SLC22A23: variants seen among roughly 807,000 people sequenced by gnomAD.
SLC22A23 encodes ion transporter protein.
A neutral mutation model predicts 61.0 loss-of-function variants in SLC22A23; 26 were observed. The observed-to-expected ratio is 0.43, with a 90% CI of 0.31 to 0.59. The LOEUF (loss-of-function observed/expected upper bound fraction) is 0.59. Ranked by LOEUF, SLC22A23 falls within the 20% of genes least tolerant of loss-of-function variation. The probability of loss-of-function intolerance (pLI) is 0.11; values close to 1 mark genes in which losing one functional copy is unlikely to be tolerated. For missense variants in SLC22A23, 796 were observed against 934.7 expected, an observed-to-expected ratio of 0.85 and a Z score of 1.94; for synonymous variants, 430 against 413.9, an observed-to-expected ratio of 1.04 and a Z score of -0.47.
At chr6:3,402,406 A>G (rs915075882) in intron 3 of SLC22A23, among the ~76,000 whole-genome samples, 3 of 148,002 alleles carry the variant, frequency 2.0e-5, no homozygotes, top group African/African-American at 7.7e-5. Context: ...GTTATTCATA[A>G]TTTAGATTCC....
At chr6:3,299,454 A>C (rs1344794632) in intron 4 of SLC22A23, among the ~76,000 whole-genome samples, 1 of 152,218 alleles carries the variant, frequency 6.6e-6, no homozygotes, top group Non-Finnish European at 1.5e-5. Flanking sequence ...TGTCCCTCAG[A>C]CGATGCCACA....
At position 3,287,030 on chromosome 6, in the gene SLC22A23, C is replaced by T. The variant is rs772911297; in HGVS notation, c.1375G>A (p.Val459Met). The T allele has an allele frequency of 1.9e-6, 3 of 1,614,118 alleles. No homozygotes were observed. Among genetic ancestry groups the T allele is most frequent in the East Asian group, 2.2e-5 (1 of 44,902 alleles). Residue 459 changes from valine to methionine, a missense_variant, in exon 7 of 10, where the codon GTG becomes ATG. Coordinates refer to ENST00000406686, the MANE Select transcript of SLC22A23 (RefSeq NM_015482.2). Reference sequence around the variant, plus strand: ...GCATAGAAGTTCTCCAGGAGCGGCACCTTCACCTCGTGGCCCATCATGCTC... The same window carrying T: ...GCATAGAAGTTCTCCAGGAGCGGCATCTTCACCTCGTGGCCCATCATGCTC... The part of the protein sequence containing the change: ...ARSMMGHEVK[V>M]PLLENFYADY...
At chr6:3,358,783 C>G (rs1765266345) in intron 3 of SLC22A23, among the ~76,000 whole-genome samples, 1 of 152,320 alleles carries the variant, frequency 6.6e-6, no homozygotes, top group East Asian at 1.9e-4. Context: ...AGGAGAGTTT[C>G]TGTTTCATCA....
At position 3,270,459 on chromosome 6, in the gene SLC22A23, C is replaced by T. The variant is rs1758407877; in HGVS notation, c.*2596G>A. The stretch of plus-strand genomic sequence containing the variant: ...AACATTTCATAAAGGTGTTGCTCAA[C>T]AGCTTCAGGTATCCCTAGGCTGAAG... On this transcript the variant is annotated 3_prime_UTR_variant, in exon 10 of 10. Coordinates refer to ENST00000406686, the MANE Select transcript of SLC22A23 (RefSeq NM_015482.2). The T allele has an allele frequency of 6.6e-6, 1 of 152,392 alleles. No homozygotes were observed. The highest frequency in any genetic ancestry group is 6.5e-5 in the Admixed American group (1 of 15,290). The allele number at this position is 152,392 out of a possible 1,614,324, so 9.4% of individuals were successfully genotyped here. A position where few individuals can be genotyped will look rare whatever the true frequency, so the allele number is the denominator to read the frequency against.
chr6:3,315,515 G>A (rs754529889), intron 4 of SLC22A23, among the ~76,000 whole-genome samples: 7 of 152,186 alleles, frequency 4.6e-5, no homozygotes, highest in Non-Finnish European at 1.0e-4. Flanking sequence ...CAGGCCCTTC[G>A]AGGATGGCAT....
chr6:3,361,058 AC>A (rs869221304), intron 3 of SLC22A23, among the ~76,000 whole-genome samples: 94 of 61,472 alleles, frequency 1.5e-3, no homozygotes, highest in African/African-American at 5.3e-3. Context: ...ATTTCTACCC[AC>A]CCCCCCCATT....
At chr6:3,449,745 G>A (rs1428796428) in intron 1 of SLC22A23, among the ~76,000 whole-genome samples, 1 of 152,198 alleles carries the variant, frequency 6.6e-6, no homozygotes, top group Non-Finnish European at 1.5e-5. Context: ...GATTTCTACA[G>A]AAAACACTCT....
In SLC22A23 at chr6:3,390,446, G is replaced by C. The variant is rs17249173; in HGVS notation, c.913+19742C>G. Among the ~76,000 whole-genome samples the C allele has an allele frequency of 0.083, 12,564 of 152,186 alleles. 709 individuals carry two copies. The highest frequency in any genetic ancestry group is 0.12 in the Non-Finnish European group (8,073 of 68,008). On this transcript the variant is annotated intron_variant, in intron 3 of 9. Coordinates refer to ENST00000406686, the MANE Select transcript of SLC22A23 (RefSeq NM_015482.2). This position sits in a 1 kb window ranked among gnomAD's most constrained non-coding sequence, Gnocchi z 4.0. ...AAGTCCAAGTGCCAACCTAACATGA[G>C]AAGGCTAAGAATTCTGTTCACATCT... is the stretch of plus-strand genomic sequence containing the variant.
At chr6:3,412,448 T>C (rs1474508523) in intron 2 of SLC22A23, among the ~76,000 whole-genome samples, 2 of 152,220 alleles carry the variant, frequency 1.3e-5, no homozygotes, top group African/African-American at 4.8e-5. Flanking sequence ...GGAGTGGATA[T>C]GAACAAATGC....
rs370735635 is a variant in SLC22A23 at position 3,454,196 on chromosome 6, CAT to C, written c.654+1708_654+1709del. On this transcript the variant is annotated intron_variant, in intron 1 of 9. Transcript: ENST00000406686. This position sits in a 1 kb window ranked among gnomAD's most constrained non-coding sequence, Gnocchi z 4.3. ...AGCATCACCCAAAACATGCCACACA[CAT>C]GAGGGCTGTCTGTGACCCTCTCGAA... 5.5e-4 allele frequency among the ~76,000 whole-genome samples: 84 copies of C among 152,332 alleles called. No individual in the cohort carries two copies. Among genetic ancestry groups the C allele is most frequent in the East Asian group, 5.8e-4 (3 of 5,180 alleles).
chr6:3,441,223 G>A (rs1047229116), intron 1 of SLC22A23, among the ~76,000 whole-genome samples: 5 of 152,184 alleles, frequency 3.3e-5, no homozygotes, highest in Admixed American at 2.6e-4. Context: ...GAGGTACAGC[G>A]CCTCAGGGGC....
Position 3,308,168 on chromosome 6 carries a change from C to T in SLC22A23, c.1083-9950G>A, listed in dbSNP as rs1762118949. 6.6e-6 allele frequency among the ~76,000 whole-genome samples: 1 copy of T among 152,184 alleles called. No homozygotes were observed. Among genetic ancestry groups the T allele is most frequent in the Non-Finnish European group, 1.5e-5 (1 of 68,034 alleles). On this transcript the variant is annotated intron_variant, in intron 4 of 9. Coordinates refer to ENST00000406686, the MANE Select transcript of SLC22A23 (RefSeq NM_015482.2). The surrounding 1 kb of genome is among the most constrained non-coding windows in gnomAD (Gnocchi z 5.1). ...TGAGTTGTACAATTTAAAATGGTTA[C>T]AGTGGAAAATTTTATGTTACGTGTA... is the stretch of plus-strand genomic sequence containing the variant.
chr6:3,358,980 G>C (rs1267386131), intron 3 of SLC22A23, among the ~76,000 whole-genome samples: 1 of 152,184 alleles, frequency 6.6e-6, no homozygotes, highest in Non-Finnish European at 1.5e-5. Context: ...TTCCATGTCA[G>C]CGCCATGTCA....
At position 3,324,950 on chromosome 6, in the gene SLC22A23, A is replaced by G. The variant is rs1241105546; in HGVS notation, c.914-948T>C. ...TACTACTACGTGAATCACCATAATG[A>G]AAGCCCTTTATAGTAGAAAAAGCAG... On this transcript the variant is annotated intron_variant, in intron 3 of 9. Transcript: ENST00000406686. This position sits in a 1 kb window ranked among gnomAD's most constrained non-coding sequence, Gnocchi z 4.3. Among the ~76,000 whole-genome samples, 1 of 152,240 alleles carries G rather than the reference A, an allele frequency of 6.6e-6. No homozygotes were observed. Among genetic ancestry groups the G allele is most frequent in the East Asian group, 1.9e-4 (1 of 5,196 alleles).
At chr6:3,392,366 T>C (rs1218038890) in intron 3 of SLC22A23, among the ~76,000 whole-genome samples, 1 of 152,228 alleles carries the variant, frequency 6.6e-6, no homozygotes, top group Non-Finnish European at 1.5e-5. Flanking sequence ...CTCCACTTTG[T>C]TTAAATCCCT....
chr6:3,348,536 C>T (rs987305590), intron 3 of SLC22A23, among the ~76,000 whole-genome samples: 1 of 152,162 alleles, frequency 6.6e-6, no homozygotes, highest in African/African-American at 2.4e-5. Context: ...CTATAGAATC[C>T]GGCCCTGTTG....
intron 1 of SLC22A23, among the ~76,000 whole-genome samples, chr6:3,421,108 A>AG (rs1351023824): frequency 6.6e-6 from 1 of 152,198 alleles, no homozygotes; most frequent in African/African-American, 2.4e-5. Context: ...TCAAAAAAAA[A>AG]GAAAAAAGAA....
At chr6:3,396,460 A>G (rs1768008847) in intron 3 of SLC22A23, among the ~76,000 whole-genome samples, 1 of 152,178 alleles carries the variant, frequency 6.6e-6, no homozygotes, top group Non-Finnish European at 1.5e-5. Context: ...GAGGCAGGAG[A>G]ATCACTTGAA....
intron 5 of SLC22A23, among the ~76,000 whole-genome samples, chr6:3,295,531 G>A (rs1486066398): frequency 6.6e-6 from 1 of 152,198 alleles, no homozygotes; most frequent in Non-Finnish European, 1.5e-5. Context: ...GTGACCTGGT[G>A]GCAGGGAGGA....
Sources: gnomAD v4.1 joint callset for allele counts (sites outside exome capture counted in the v4.1 genomes callset) on GRCh38, gnomAD v4.1.1 for gene constraint, Gnocchi (gnomAD v3.1) non-coding constraint, MANE v1.5 for transcripts, NCBI Gene and HGNC (gene_info 2026-07-23, HGNC 2026-07-21) for gene names.